The following PROM2 variants were observed in gnomAD, a reference collection of about 807,000 sequenced individuals.
The protein encoded by PROM2 is prominin-2.
Under a neutral mutation model 110.2 loss-of-function variants are expected in PROM2, and 90 were observed. The ratio of observed to expected loss-of-function variants is 0.82; its 90% confidence interval spans 0.69 to 0.97. PROM2 has a LOEUF of 0.97. PROM2 is among the 50% of genes least tolerant of loss of function. PROM2 has a pLI of 0.00. For missense variants in PROM2, 1,009 were observed against 1,074.8 expected, an observed-to-expected ratio of 0.94 and a Z score of 0.86; for synonymous variants, 470 against 467.8, an observed-to-expected ratio of 1.00 and a Z score of -0.06.
rs1248870044 is a variant in PROM2, at chr2:95,277,727, C to G, written c.975+161C>G. 3.8e-6 allele frequency: 3 copies of G among 798,028 alleles called. No homozygotes were observed. In the African/African-American group the frequency reaches 5.2e-5, roughly 14 times the overall value. 49.4% of individuals were successfully genotyped at this position (798,028 alleles called of 1,614,324 possible). A position where few individuals can be genotyped will look rare whatever the true frequency, so the allele number is the denominator to read the frequency against. ...TCCTGGCAGTGGGTGGAGTGCTCCC[C>G]AGGCCACGCCCTGTACGTGAACTTC... is the stretch of plus-strand genomic sequence containing the variant. On this transcript the variant is annotated intron_variant, in intron 7 of 23. Coordinates refer to ENST00000317620, the MANE Select transcript of PROM2 (RefSeq NM_001165978.3).
chr2:95,283,958 G>A (rs1677195876), intron 14 of PROM2, among the ~76,000 whole-genome samples: 1 of 152,232 alleles, frequency 6.6e-6, no homozygotes, highest in Admixed American at 6.5e-5. Flanking sequence ...TCATTTCAGA[G>A]CAACAAGTGC....
In PROM2 at chr2:95,275,006, C is replaced by T. The variant is rs1422995761; in HGVS notation, c.244+177C>T. On this transcript the variant is annotated intron_variant, in intron 1 of 23. Coordinates refer to ENST00000317620, the MANE Select transcript of PROM2 (RefSeq NM_001165978.3). This position sits in a 1 kb window ranked among gnomAD's most constrained non-coding sequence, Gnocchi z 4.4. ...AACCTGCTGTGTGACTGTGGGTAAG[C>T]CTCACTTCCTCTCTGAGCCTCAGGT... 3 of 711,578 alleles carry T rather than the reference C, an allele frequency of 4.2e-6. No homozygotes were observed. The African/African-American group carries it at 5.4e-5, about 13-fold the overall frequency. 44.1% of individuals were successfully genotyped at this position (711,578 alleles called of 1,614,324 possible). A position where few individuals can be genotyped will look rare whatever the true frequency, so the allele number is the denominator to read the frequency against.
In PROM2 at chr2:95,275,974, G is replaced by C. The variant is rs140405781; in HGVS notation, c.339G>C (p.Ala113=). 6.2e-7 allele frequency: 1 copy of C among 1,612,126 alleles called. No homozygotes were observed. The highest frequency in any genetic ancestry group is 8.5e-7 in the Non-Finnish European group (1 of 1,179,806). The change falls in exon 3 of 24, where the codon GCG becomes GCC. Residue 113 remains alanine (A), a synonymous_variant. Transcript: ENST00000317620. The surrounding 1 kb of genome is among the most constrained non-coding windows in gnomAD (Gnocchi z 4.4). ...EAGYVVCAVI[A]GLYLLLVPTA... ...GCTACGTGGTATGCGCTGTGATCGC[G>C]GGCCTCTACCTGCTGCTGGTGCCCA... is the stretch of plus-strand genomic sequence containing the variant.
chr2:95,274,477 C>A lies in PROM2; in HGVS notation c.-109C>A. On this transcript the variant is annotated 5_prime_UTR_variant, in exon 1 of 24. Coordinates refer to ENST00000317620, the MANE Select transcript of PROM2 (RefSeq NM_001165978.3). Reference sequence around the variant, plus strand: ...AGCTCAGGAACCCAAACCTGTCGGGCAGGTTTTGAGAGCTGTGGAGAGAGG... The same window carrying A: ...AGCTCAGGAACCCAAACCTGTCGGGAAGGTTTTGAGAGCTGTGGAGAGAGG... 1 of 1,378,000 alleles carries A rather than the reference C, an allele frequency of 7.3e-7. No individual in the cohort carries two copies. The highest frequency in any genetic ancestry group is 9.6e-7 in the Non-Finnish European group (1 of 1,044,430). 85.4% of individuals were successfully genotyped at this position (1,378,000 alleles called of 1,614,324 possible). A position where few individuals can be genotyped will look rare whatever the true frequency, so the allele number is the denominator to read the frequency against.
chr2:95,274,611 C>T lies in PROM2; in HGVS notation c.26C>T (p.Ala9Val). The T allele has an allele frequency of 6.3e-7, 1 of 1,598,568 alleles. No homozygotes were observed. Among genetic ancestry groups the T allele is most frequent in the African/African-American group, 1.3e-5 (1 of 74,726 alleles). ...ATGAAGCACACACTGGCTCTGCTGG[C>T]TCCCCTGCTGGGCCTGGGCCTGGGG... MKHTLALL[A>V]PLLGLGLGLA... is the part of the protein sequence containing the mutation. Residue 9 changes from alanine to valine, a missense_variant, in exon 1 of 24, where the codon GCT becomes GTT. Transcript: ENST00000317620.
chr2:95,278,822 G>A (rs758568344), intron 9 of PROM2, 38 bp downstream of exon 9: 2 of 1,613,374 alleles, frequency 1.2e-6, no homozygotes, highest in Admixed American at 1.7e-5. Flanking sequence ...GCCAGGCATG[G>A]CTTCCCACCC....
intron 18 of PROM2, 42 bp from the exon 19 acceptor site, chr2:95,287,091 C>T (rs759856202): frequency 1.6e-5 from 24 of 1,546,622 alleles, no homozygotes; most frequent in East Asian, 4.5e-5. Context: ...TGAATGGATG[C>T]GTGAATGTGG....
At position 95,282,163 on chromosome 2, in the gene PROM2, G is replaced by A. The variant is rs149295538; in HGVS notation, c.1665G>A (p.Ala555=). ...QAYQQCKEGA[A]LWTVLQLNDS... is the part of the protein sequence containing the mutation. The stretch of plus-strand genomic sequence containing the variant: ...TCAGGCAGTGCAAGGAAGGGGCAGC[G>A]CTCTGGACAGTCCTGCAGCTCAACG... The change falls in exon 14 of 24, where the codon GCG becomes GCA. Residue 555 remains alanine (A), a synonymous_variant. Coordinates refer to ENST00000317620, the MANE Select transcript of PROM2 (RefSeq NM_001165978.3). 78 of 1,613,886 alleles carry A rather than the reference G, an allele frequency of 4.8e-5. No homozygotes were observed. The highest frequency in any genetic ancestry group is 3.5e-4 in the Admixed American group (21 of 60,002).
At position 95,289,252 on chromosome 2, in the gene PROM2, T is replaced by C. The variant is rs1677561374; in HGVS notation, c.*39T>C. The stretch of plus-strand genomic sequence containing the variant: ...GAGGTGACCCTGAGGCTGCCTGTCC[T>C]CCCCTTTGATTTAGCCTGGGCCACA... On this transcript the variant is annotated 3_prime_UTR_variant, in exon 24 of 24. Coordinates refer to ENST00000317620, the MANE Select transcript of PROM2 (RefSeq NM_001165978.3). The C allele has an allele frequency of 1.8e-6, 1 of 547,120 alleles. No homozygotes were observed. The allele number at this position is 547,120 out of a possible 1,614,324, so 33.9% of individuals were successfully genotyped here. A position where few individuals can be genotyped will look rare whatever the true frequency, so the allele number is the denominator to read the frequency against.
chr2:95,287,571 G>C (rs2104149261), intron 20 of PROM2, 107 bp downstream of exon 20: 5 of 1,148,964 alleles, frequency 4.4e-6, no homozygotes, highest in Non-Finnish European at 5.0e-6. Flanking sequence ...GGTGACCCAG[G>C]CCTTCAGGAT....
Position 95,278,798 on chromosome 2 carries a change from G to A in PROM2, c.1114+14G>A. On this transcript the variant is annotated intron_variant, in intron 9 of 23. Coordinates refer to ENST00000317620, the MANE Select transcript of PROM2 (RefSeq NM_001165978.3). ...GCGTGGTGCAAGGTTAGGCCACACG[G>A]GTCAGAGGCAGCTGCCAGGCATGGC... The A allele has an allele frequency of 6.2e-7, 1 of 1,613,992 alleles. No individual in the cohort carries two copies. The highest frequency in any genetic ancestry group is 8.5e-7 in the Non-Finnish European group (1 of 1,180,000).
rs376031340 is a variant in PROM2, at chr2:95,288,980, C to T, written c.2489C>T (p.Thr830Ile). The change falls in exon 23 of 24, where the codon ACC becomes ATC. Residue 830 changes from threonine (T) to isoleucine (I), a missense_variant. Physicochemically the swap from Thr to Ile is moderately conservative, Grantham distance 89 (BLOSUM62 -1). Transcript: ENST00000317620. ...ETQLFHIPRVTSLKL is the reference protein window; with the variant it reads ...ETQLFHIPRVISLKL ...CAGCTCTTCCACATCCCCCGGGTTA[C>T]CTCCCTGAAGCTGTAGGGCCTTGTG... 7 of 1,614,140 alleles carry T rather than the reference C, an allele frequency of 4.3e-6. No individual in the cohort carries two copies. The African/African-American group carries it at 8.0e-5, about 18-fold the overall frequency.
rs775635555 is a variant in PROM2 at position 95,277,437 on chromosome 2, C to T, written c.846C>T (p.Asp282=). Residue 282 remains aspartate (D), a synonymous_variant, in exon 7 of 24, where the codon GAC becomes GAT. Transcript: ENST00000317620. ...TVVELQAGQQ[D]LEPAIREHRD... Reference sequence around the variant, plus strand: ...TAGAGCTGCAGGCCGGGCAGCAGGACCTGGAGCCAGCCATCCGGGAACACC... The same window carrying T: ...TAGAGCTGCAGGCCGGGCAGCAGGATCTGGAGCCAGCCATCCGGGAACACC... 3.7e-6 allele frequency: 6 copies of T among 1,613,188 alleles called. No individual in the cohort carries two copies. The East Asian group carries it at 1.3e-4, about 36-fold the overall frequency.
chr2:95,274,946 G>A, intron 1 of PROM2, 117 bp downstream of exon 1: 2 of 1,339,978 alleles, frequency 1.5e-6, no homozygotes, highest in Non-Finnish European at 2.0e-6. Flanking sequence ...CCATCTTCCT[G>A]GGGTAGAAGG....
At chr2:95,279,820 G>A (rs7585914) in intron 10 of PROM2, 25 bp from the exon 11 acceptor site, 1,052,589 of 1,387,354 alleles carry the variant, frequency 0.76, 400,664 homozygotes, top group Admixed American at 0.85. Context: ...CTTTCTTAGT[G>A]ACACCCATGT....
At chr2:95,278,317 G>C in intron 8 of PROM2, 1 of 538,610 alleles carries the variant, frequency 1.9e-6, no homozygotes, top group South Asian at 2.2e-5. Flanking sequence ...GTGAGTCAGC[G>C]CCCAGGACCC....
At chr2:95,285,508 A>G in intron 15 of PROM2, 131 bp from the exon 16 acceptor site, 2 of 684,444 alleles carry the variant, frequency 2.9e-6, no homozygotes, top group Non-Finnish European at 5.0e-6. Flanking sequence ...ACTGTGACTG[A>G]TGTGTCACAA....
chr2:95,276,704 C>T lies in PROM2; in HGVS notation c.682+47C>T, dbSNP rs559907169. 1.3e-4 allele frequency: 202 copies of T among 1,601,738 alleles called. 1 individual carries two copies. In the Middle Eastern group the frequency reaches 1.8e-3, roughly 14 times the overall value. On this transcript the variant is annotated intron_variant, in intron 5 of 23. Transcript: ENST00000317620. This position sits in a 1 kb window ranked among gnomAD's most constrained non-coding sequence, Gnocchi z 4.6. ...AGGTGGGCTGGCTCCTTCCAGGGCC[C>T]CTGCTCGGGTGCCTCGGTGGGGGCC...
At chr2:95,287,338 T>TGGGGGGGGGGGGGGGGG in intron 19 of PROM2, 58 bp from the exon 20 acceptor site, 1 of 1,278,250 alleles carries the variant, frequency 7.8e-7, no homozygotes, top group East Asian at 3.6e-5. Flanking sequence ...GTGGCGTGGG[T>TGGGGGGGGGGGGGGGGG]GGGGGGCACT....
Sources: allele counts gnomAD v4.1 joint callset (sites outside exome capture counted in the v4.1 genomes callset), GRCh38; gene constraint gnomAD v4.1.1; non-coding constraint Gnocchi (gnomAD v3.1); transcripts MANE v1.5; gene names NCBI Gene and HGNC (gene_info 2026-07-23, HGNC 2026-07-21).